The following ATXN8OS variants were observed in gnomAD, a reference collection of about 807,000 sequenced individuals.
ATXN8OS encodes the protein ATXN8 opposite strand lncRNA.
chr13:70,131,960 C>T (rs573959771), intron 3 of ATXN8OS, among the ~76,000 whole-genome samples: 17 of 152,228 alleles, frequency 1.1e-4, no homozygotes, highest in South Asian at 8.3e-4. Flanking sequence ...AGTCTAAACA[C>T]GTTTGCATGG....
chr13:70,136,144 G>GT (rs1186433293), intron 3 of ATXN8OS, among the ~76,000 whole-genome samples: 1 of 152,152 alleles, frequency 6.6e-6, no homozygotes, highest in Non-Finnish European at 1.5e-5. Context: ...AGTCTGATCA[G>GT]TTGTTTGCCT....
At chr13:70,169,469 T>C (rs1186544244) in intron 4 of ATXN8OS, among the ~76,000 whole-genome samples, 3 of 151,998 alleles carry the variant, frequency 2.0e-5, no homozygotes, top group Admixed American at 6.6e-5. Flanking sequence ...GTAATTTTTG[T>C]ATTTTTTGTA....
intron 4 of ATXN8OS, among the ~76,000 whole-genome samples, chr13:70,152,583 A>T (rs766938056): frequency 1.5e-4 from 23 of 151,920 alleles, no homozygotes; most frequent in Non-Finnish European, 2.6e-4. Context: ...TTTTCACTTA[A>T]TTCATCATGC....
At position 70,111,392 on chromosome 13, in the gene ATXN8OS, T is replaced by C. The variant is rs1338847561; in HGVS notation, n.240+3373T>C. On this transcript the variant is annotated intron_variant and non_coding_transcript_variant, in intron 1 of 4. Coordinates refer to ENST00000678624, the Ensembl canonical transcript of ATXN8OS. ...TAGAGGCTGCATCTGGTGAAGGTCT[T>C]CTTCCTGGTGGGGACTCTCTGCAGA... Among the ~76,000 whole-genome samples the C allele has an allele frequency of 2.0e-5, 3 of 152,314 alleles. No homozygotes were observed. The East Asian group carries it at 5.8e-4, about 29-fold the overall frequency.
intron 3 of ATXN8OS, among the ~76,000 whole-genome samples, chr13:70,132,353 T>C (rs1888546290): frequency 6.6e-6 from 1 of 150,782 alleles, no homozygotes; most frequent in African/African-American, 2.4e-5. Context: ...CTGGAGGCCA[T>C]TATCCTAAGT....
At chr13:70,170,880 G>A (rs760767864) in exon 5 of ATXN8OS, among the ~76,000 whole-genome samples, 5 of 151,952 alleles carry the variant, frequency 3.3e-5, no homozygotes, top group African/African-American at 4.8e-5. Flanking sequence ...GCCACAAACC[G>A]GTATAACATG....
intron 1 of ATXN8OS, among the ~76,000 whole-genome samples, chr13:70,109,757 T>C (rs1484723811): frequency 6.6e-6 from 1 of 152,164 alleles, no homozygotes; most frequent in African/African-American, 2.4e-5. Flanking sequence ...ATCATTTTTA[T>C]CCAACAATGG....
chr13:70,164,053 TTCTTA>T (rs1566620543), intron 4 of ATXN8OS, among the ~76,000 whole-genome samples: 4 of 2,252 alleles, frequency 1.8e-3, no homozygotes, highest in East Asian at 0.037. Context: ...GAAGTTTTTA[TTCTTA>T]TTATTATTAT....
chr13:70,171,434 G>A (rs1889143137), exon 5 of ATXN8OS, among the ~76,000 whole-genome samples: 1 of 152,128 alleles, frequency 6.6e-6, no homozygotes, highest in African/African-American at 2.4e-5. Flanking sequence ...GAGTGAATGA[G>A]TGGTGAATGG....
chr13:70,144,764 C>A (rs896810436), intron 3 of ATXN8OS, among the ~76,000 whole-genome samples: 5 of 152,028 alleles, frequency 3.3e-5, no homozygotes, highest in African/African-American at 9.7e-5. Flanking sequence ...AAGACATCAC[C>A]AAACTTAAAT....
intron 4 of ATXN8OS, among the ~76,000 whole-genome samples, chr13:70,151,658 G>T (rs1566614075): frequency 6.6e-6 from 1 of 152,132 alleles, no homozygotes; most frequent in Non-Finnish European, 1.5e-5. Context: ...AGCTTTGAAT[G>T]TCAAGCTAAG....
At chr13:70,107,491 T>A, upstream of ATXN8OS, 1 of 1,610,802 alleles carries the variant, frequency 6.2e-7, no homozygotes, top group Non-Finnish European at 8.5e-7. Flanking sequence ...GGAAGGCTTC[T>A]TCCAGAAAGT....
At chr13:70,111,735 T>A (rs922913426) in intron 1 of ATXN8OS, among the ~76,000 whole-genome samples, 2 of 152,184 alleles carry the variant, frequency 1.3e-5, no homozygotes, top group Admixed American at 1.3e-4. Context: ...TGTATACTTT[T>A]CCAGGAAAAG....
At chr13:70,157,883 A>G (rs1888956981) in intron 4 of ATXN8OS, among the ~76,000 whole-genome samples, 1 of 152,202 alleles carries the variant, frequency 6.6e-6, no homozygotes, top group Non-Finnish European at 1.5e-5. Flanking sequence ...AATTAATAAA[A>G]TGGAGTATGG....
chr13:70,151,790 C>G (rs1158723528), intron 4 of ATXN8OS, among the ~76,000 whole-genome samples: 1 of 151,940 alleles, frequency 6.6e-6, no homozygotes, highest in Non-Finnish European at 1.5e-5. Context: ...CGTAATAACT[C>G]CAGTGAAGAG....
At chr13:70,120,868 C>T (rs1888350549) in intron 2 of ATXN8OS, among the ~76,000 whole-genome samples, 1 of 129,612 alleles carries the variant, frequency 7.7e-6, no homozygotes, top group Admixed American at 1.0e-4. Context: ...GGGAACTGAA[C>T]AATGAGAACA....
chr13:70,115,175 A>C (rs1328617), exon 2 of ATXN8OS: 92,115 of 398,240 alleles, frequency 0.23, 11,026 homozygotes, highest in Admixed American at 0.29. Context: ...CCAATGCACG[A>C]GAATTTGGTC....
At chr13:70,170,542 A>T (rs1033023224) in exon 5 of ATXN8OS, among the ~76,000 whole-genome samples, 1 of 152,152 alleles carries the variant, frequency 6.6e-6, no homozygotes, top group Non-Finnish European at 1.5e-5. Flanking sequence ...AAAGTTTTAC[A>T]TTGGCTTTTA....
intron 4 of ATXN8OS, among the ~76,000 whole-genome samples, chr13:70,148,102 C>T (rs1262708907): frequency 1.3e-5 from 2 of 152,006 alleles, no homozygotes; most frequent in Non-Finnish European, 2.9e-5. Context: ...GTGAAGGAAG[C>T]CTCCAGGTAG....
Sources: gnomAD v4.1 joint callset for allele counts (sites outside exome capture counted in the v4.1 genomes callset) on GRCh38, gnomAD v4.1.1 for gene constraint, MANE v1.5 for transcripts, NCBI Gene and HGNC (gene_info 2026-07-23, HGNC 2026-07-21) for gene names.